Variants in NTM observed in about 807,000 individuals in gnomAD.
NTM encodes neurotrimin.
A neutral mutation model predicts 42.1 loss-of-function variants in NTM; 13 were observed. That is an observed-to-expected ratio of 0.31 (90% CI 0.20 to 0.49). The LOEUF is 0.49. NTM is among the 20% of genes least tolerant of loss of function. NTM has a pLI of 0.99. For missense variants in NTM, 373 were observed against 452.8 expected, an observed-to-expected ratio of 0.82 and a Z score of 1.60; for synonymous variants, 187 against 179.2, an observed-to-expected ratio of 1.04 and a Z score of -0.35.
In NTM at chr11:131,741,926, A is replaced by G. The variant is rs190280057; in HGVS notation, c.83-169638A>G. Among the ~76,000 whole-genome samples the G allele has an allele frequency of 7.9e-5, 12 of 152,292 alleles. No homozygotes were observed. The East Asian group carries it at 2.3e-3, about 29-fold the overall frequency. ...GGACTGAGATCATGTCCTTTGCCGG[A>G]CCATCAATGGAGCTGGAGGCCATTA... On this transcript the variant is annotated intron_variant, in intron 1 of 8. Coordinates refer to ENST00000683400, the MANE Select transcript of NTM (RefSeq NM_001352005.2).
intron 1 of NTM, among the ~76,000 whole-genome samples, chr11:131,835,964 T>C (rs957332594): frequency 6.6e-6 from 1 of 152,180 alleles, no homozygotes; most frequent in African/African-American, 2.4e-5. Context: ...GAAGAATTTA[T>C]ACCAAATGAT....
intron 1 of NTM, among the ~76,000 whole-genome samples, chr11:131,390,318 CACG>C (rs1943842771): frequency 6.6e-6 from 1 of 152,092 alleles, no homozygotes. Flanking sequence ...GATCTGCCCC[CACG>C]ACCCGAACAC....
chr11:131,691,833 G>A (rs1336495041), intron 1 of NTM, among the ~76,000 whole-genome samples: 1 of 152,230 alleles, frequency 6.6e-6, no homozygotes, highest in Non-Finnish European at 1.5e-5. Flanking sequence ...GGCGTCTTTC[G>A]TGTGTCATGT....
At chr11:131,773,277 T>C (rs986946337) in intron 1 of NTM, among the ~76,000 whole-genome samples, 3 of 152,192 alleles carry the variant, frequency 2.0e-5, no homozygotes, top group African/African-American at 4.8e-5. Flanking sequence ...AGCACCTTTC[T>C]GAAGGCTCTT....
In NTM at chr11:131,771,917, G is replaced by C. The variant is rs182552349; in HGVS notation, c.83-139647G>C. Among the ~76,000 whole-genome samples, 21 of 152,288 alleles carry C rather than the reference G, an allele frequency of 1.4e-4. No individual in the cohort carries two copies. The East Asian group carries it at 3.9e-3, about 28-fold the overall frequency. On this transcript the variant is annotated intron_variant, in intron 1 of 8. Transcript: ENST00000683400. ...TGAATTGGCCCCATCGTGAGAAGAC[G>C]TCATCCATAATTCCCAGGATTTTTT...
At chr11:132,208,275 C>T (rs187102156) in intron 3 of NTM, among the ~76,000 whole-genome samples, 1 of 152,304 alleles carries the variant, frequency 6.6e-6, no homozygotes, top group East Asian at 1.9e-4. Context: ...TAGAAGTTGC[C>T]ACCTAGAAAA....
intron 1 of NTM, among the ~76,000 whole-genome samples, chr11:131,807,363 G>C (rs746757137): frequency 2.6e-5 from 4 of 152,170 alleles, no homozygotes; most frequent in African/African-American, 7.2e-5. Context: ...GACAAGAAAA[G>C]CTACAAGGCC....
chr11:131,601,348 T>C (rs929693909), intron 1 of NTM, among the ~76,000 whole-genome samples: 3 of 152,176 alleles, frequency 2.0e-5, no homozygotes, highest in African/African-American at 7.2e-5. Context: ...TTTGGCAGAG[T>C]CATCTGACCT....
At chr11:132,092,363 A>G (rs2060472954) in intron 2 of NTM, among the ~76,000 whole-genome samples, 1 of 152,048 alleles carries the variant, frequency 6.6e-6, no homozygotes, top group African/African-American at 2.4e-5. Context: ...TGAAAATGGG[A>G]GATCTCACCA....
intron 1 of NTM, among the ~76,000 whole-genome samples, chr11:131,437,726 T>C (rs1167357378): frequency 6.6e-6 from 1 of 152,208 alleles, no homozygotes; most frequent in Non-Finnish European, 1.5e-5. Context: ...TGATGGGTCT[T>C]GACTCTTTAT....
In NTM at chr11:131,789,636, A is replaced by AGAAGGAGAAGGAG. The variant is rs1555127949; in HGVS notation, c.83-121928_83-121927insGAAGGAGAAGGAG. The stretch of plus-strand genomic sequence containing the variant: ...AAGAAGAAGAAGAAGAAGAAGAAGA[A>AGAAGGAGAAGGAG]AAGAAGAAGAAGAAGAAGAAGAAGA... On this transcript the variant is annotated intron_variant, in intron 1 of 8. Coordinates refer to ENST00000683400, the MANE Select transcript of NTM (RefSeq NM_001352005.2). 6.5e-5 allele frequency among the ~76,000 whole-genome samples: 2 copies of AGAAGGAGAAGGAG among 30,900 alleles called. 1 individual carries two copies. The highest frequency in any genetic ancestry group is 1.7e-3 in the South Asian group (2 of 1,194). The allele number at this position is 30,900 out of a possible 152,430, so 20.3% of individuals were successfully genotyped here.
intron 2 of NTM, among the ~76,000 whole-genome samples, chr11:132,119,689 C>T (rs1481782782): frequency 6.6e-6 from 1 of 152,206 alleles, no homozygotes; most frequent in Non-Finnish European, 1.5e-5. Flanking sequence ...GTCTTCTGGT[C>T]CCGTGGCATC....
At chr11:131,476,748 A>T (rs1046217676) in intron 1 of NTM, among the ~76,000 whole-genome samples, 1 of 151,980 alleles carries the variant, frequency 6.6e-6, no homozygotes, top group East Asian at 1.9e-4. Context: ...AAGAAGCCAC[A>T]CTTCCCCTGC....
chr11:131,455,476 A>G (rs1220633428), intron 1 of NTM: 2 of 152,172 alleles, frequency 1.3e-5, no homozygotes, highest in African/African-American at 4.8e-5. Context: ...AAGTTTTATC[A>G]TTTTCTCAAA....
At chr11:131,379,795 G>A (rs1314380672) in intron 1 of NTM, among the ~76,000 whole-genome samples, 1 of 152,010 alleles carries the variant, frequency 6.6e-6, no homozygotes, top group African/African-American at 2.4e-5. Flanking sequence ...TCCAAGGTTT[G>A]CCTCCTATTT....
At chr11:131,467,166 G>T (rs1462906785) in intron 1 of NTM, among the ~76,000 whole-genome samples, 1 of 152,194 alleles carries the variant, frequency 6.6e-6, no homozygotes, top group East Asian at 1.9e-4. Context: ...GACGAGAAAA[G>T]AAGAGAATGT....
intron 1 of NTM, among the ~76,000 whole-genome samples, chr11:131,608,652 C>G (rs2061209278): frequency 6.6e-6 from 1 of 152,212 alleles, no homozygotes; most frequent in African/African-American, 2.4e-5. Context: ...TCCCGCCTTT[C>G]TTTTCAGCCT....
At chr11:131,645,135 A>G (rs529846255) in intron 1 of NTM, among the ~76,000 whole-genome samples, 1 of 152,324 alleles carries the variant, frequency 6.6e-6, no homozygotes, top group Non-Finnish European at 1.5e-5. Flanking sequence ...CAATAATCAC[A>G]TGAGGTCAAT....
chr11:131,420,105 G>A (rs1383932478), intron 1 of NTM, among the ~76,000 whole-genome samples: 2 of 152,160 alleles, frequency 1.3e-5, no homozygotes, highest in African/African-American at 4.8e-5. Context: ...TGTCCCTAAG[G>A]GTGTCTAGGC....
Sources: allele counts gnomAD v4.1 joint callset (sites outside exome capture counted in the v4.1 genomes callset), GRCh38; gene constraint gnomAD v4.1.1; transcripts MANE v1.5; gene names NCBI Gene and HGNC (gene_info 2026-07-23, HGNC 2026-07-21).